The following DAB1 variants were observed in gnomAD, a reference collection of about 807,000 sequenced individuals.
DAB1 encodes disabled homolog 1.
Under a neutral mutation model 64.6 loss-of-function variants are expected in DAB1, and 15 were observed. The ratio of observed to expected loss-of-function variants is 0.23; its 90% CI spans 0.16 to 0.36. DAB1 has a LOEUF of 0.36. DAB1 is among the 10% of genes least tolerant of loss of function. The pLI is 1.00. For missense variants in DAB1, 596 were observed against 706.7 expected (o/e 0.84, Z 1.78); for synonymous variants, 235 against 251.9 (o/e 0.93, Z 0.64).
intron 7 of DAB1, among the ~76,000 whole-genome samples, chr1:57,577,023 C>T (rs1645258006): frequency 6.6e-6 from 1 of 152,214 alleles, no homozygotes. Context: ...GCAGCTAGCA[C>T]CTTCCGTGCA....
intron 4 of DAB1, among the ~76,000 whole-genome samples, chr1:58,197,755 C>A (rs1657768665): frequency 6.8e-6 from 1 of 147,042 alleles, no homozygotes; most frequent in Non-Finnish European, 1.5e-5. Flanking sequence ...AAAGCATGAT[C>A]AAGACCCTAG....
At chr1:57,752,378 A>G (rs1182304509) in intron 6 of DAB1, among the ~76,000 whole-genome samples, 1 of 152,204 alleles carries the variant, frequency 6.6e-6, no homozygotes, top group Non-Finnish European at 1.5e-5. Context: ...CCATTCTTTC[A>G]GGTCCCAAAT....
chr1:57,210,324 C>T (rs939178970), intron 2 of DAB1, among the ~76,000 whole-genome samples: 2 of 152,078 alleles, frequency 1.3e-5, no homozygotes, highest in African/African-American at 4.8e-5. Flanking sequence ...TAAGATAGAA[C>T]AGTCATTTAA....
intron 2 of DAB1, among the ~76,000 whole-genome samples, chr1:57,174,004 G>T (rs952728261): frequency 2.0e-5 from 3 of 152,080 alleles, no homozygotes; most frequent in African/African-American, 7.2e-5. Flanking sequence ...AATTATGCTT[G>T]GTTACTTCTG....
At chr1:58,038,362 C>G (rs1647079514) in intron 5 of DAB1, among the ~76,000 whole-genome samples, 1 of 152,176 alleles carries the variant, frequency 6.6e-6, no homozygotes, top group African/African-American at 2.4e-5. Context: ...GGCAACTAAA[C>G]AGCCTCCACA....
chr1:58,170,128 G>T (rs940645765), intron 4 of DAB1, among the ~76,000 whole-genome samples: 3 of 152,184 alleles, frequency 2.0e-5, no homozygotes, highest in Non-Finnish European at 4.4e-5. Context: ...CACAGCCAAA[G>T]AAAGGGACAA....
At position 57,962,888 on chromosome 1, in the gene DAB1, AC is replaced by A. The variant is rs200806670; in HGVS notation, n.388-78727del. 5.7e-4 allele frequency among the ~76,000 whole-genome samples: 87 copies of A among 151,870 alleles called. 1 individual carries two copies. The East Asian group carries it at 0.014, about 25-fold the overall frequency. On this transcript the variant is annotated intron_variant and non_coding_transcript_variant, in intron 5 of 20. Transcript: ENST00000485760. ...GATCCTGTCTCAAAAAAAAAACAAA[AC>A]AAAAAAAAATAAAAACCTCAAGAGC...
chr1:57,746,207 A>C (rs1214797340), intron 6 of DAB1, among the ~76,000 whole-genome samples: 1 of 152,208 alleles, frequency 6.6e-6, no homozygotes, highest in Non-Finnish European at 1.5e-5. Context: ...GTGTGTAAGT[A>C]TAAATAGGTA....
chr1:58,123,592 T>C (rs1268822200), intron 5 of DAB1, among the ~76,000 whole-genome samples: 1 of 152,144 alleles, frequency 6.6e-6, no homozygotes, highest in Non-Finnish European at 1.5e-5. Flanking sequence ...CTATAGAACA[T>C]ATAGTTCCCC....
At chr1:57,892,948 A>T (rs1478803932) in intron 5 of DAB1, among the ~76,000 whole-genome samples, 1 of 152,000 alleles carries the variant, frequency 6.6e-6, no homozygotes, top group African/African-American at 2.4e-5. Flanking sequence ...TTAGCATCAG[A>T]ATCATCTAAA....
chr1:58,073,955 A>G (rs1383191603), intron 5 of DAB1, among the ~76,000 whole-genome samples: 1 of 152,214 alleles, frequency 6.6e-6, no homozygotes, highest in Non-Finnish European at 1.5e-5. Flanking sequence ...CAAAGAGATA[A>G]AAATGACTCC....
At chr1:57,135,266 T>C (rs1316558633) in intron 4 of DAB1, among the ~76,000 whole-genome samples, 5 of 152,210 alleles carry the variant, frequency 3.3e-5, no homozygotes, top group Non-Finnish European at 7.4e-5. Flanking sequence ...TCATTTTTCC[T>C]TTTCCCTAGC....
chr1:57,035,297 A>C (rs1442925551), intron 9 of DAB1, among the ~76,000 whole-genome samples: 1 of 152,194 alleles, frequency 6.6e-6, no homozygotes, highest in Non-Finnish European at 1.5e-5. Context: ...ATCTCATTAC[A>C]TCTGTCCAAT....
intron 3 of DAB1, among the ~76,000 whole-genome samples, chr1:58,348,513 T>C (rs922808682): frequency 6.6e-6 from 1 of 152,152 alleles, no homozygotes; most frequent in African/African-American, 2.4e-5. Flanking sequence ...AATTTGCTTG[T>C]AAAAAGTAGT....
At chr1:57,502,318 CAAAAA>C (rs10649147) in intron 7 of DAB1, among the ~76,000 whole-genome samples, 1 of 94,238 alleles carries the variant, frequency 1.1e-5, no homozygotes, top group Admixed American at 1.4e-4. Flanking sequence ...GAGTCCGTCT[CAAAAA>C]AAAAAAAAAA....
intron 7 of DAB1, among the ~76,000 whole-genome samples, chr1:57,531,045 G>A (rs746491350): frequency 1.6e-4 from 25 of 152,158 alleles, no homozygotes; most frequent in Non-Finnish European, 3.7e-4. Flanking sequence ...GGCAAATCAA[G>A]TACCAGTGTC....
intron 3 of DAB1, among the ~76,000 whole-genome samples, chr1:58,383,629 T>C (rs1644408515): frequency 6.6e-6 from 1 of 152,244 alleles, no homozygotes; most frequent in Non-Finnish European, 1.5e-5. Flanking sequence ...CTCAATAATA[T>C]AGTTGTTGCT....
At chr1:57,562,141 G>A (rs2101508095) in intron 7 of DAB1, among the ~76,000 whole-genome samples, 1 of 152,342 alleles carries the variant, frequency 6.6e-6, no homozygotes, top group South Asian at 2.1e-4. Context: ...GGGAGGCCGA[G>A]GCAGGTGGAC....
At chr1:57,386,386 A>G (rs3850547) in intron 1 of DAB1, among the ~76,000 whole-genome samples, 61,636 of 144,386 alleles carry the variant, frequency 0.43, 13,812 homozygotes, top group African/African-American at 0.51. Flanking sequence ...AAAAAAAAAA[A>G]ACCCGTCTTT....
Sources: allele counts gnomAD v4.1 joint callset (sites outside exome capture counted in the v4.1 genomes callset), GRCh38; gene constraint gnomAD v4.1.1; transcripts MANE v1.5; gene names NCBI Gene and HGNC (gene_info 2026-07-23, HGNC 2026-07-21).